Variants in CDH12 observed in about 807,000 individuals in gnomAD.
The protein encoded by CDH12 is cadherin-12.
In CDH12, 41 loss-of-function variants were observed where a neutral mutation model predicts 74.1. That is an observed-to-expected ratio of 0.55 (90% CI 0.43 to 0.72). The LOEUF is 0.72. Ranked by LOEUF, CDH12 falls within the 30% of genes least tolerant of loss-of-function variation. CDH12 has a pLI of 0.00. For missense variants in CDH12, 945 were observed against 977.2 expected, an observed-to-expected ratio of 0.97 and a Z score of 0.44; for synonymous variants, 399 against 355.0, an observed-to-expected ratio of 1.12 and a Z score of -1.39.
At chr5:22,155,065 G>A (rs4484392) in intron 4 of CDH12, among the ~76,000 whole-genome samples, 47,413 of 151,830 alleles carry the variant, frequency 0.31, 7,692 homozygotes, top group South Asian at 0.38. Flanking sequence ...TATGCCACAG[G>A]CCCCTTCCGT....
At chr5:22,418,240 CTTTG>C (rs151041305) in intron 2 of CDH12, among the ~76,000 whole-genome samples, 6,572 of 151,484 alleles carry the variant, frequency 0.043, 323 homozygotes, top group East Asian at 0.12. Context: ...CGATTTGGCT[CTTTG>C]TTTGTCTATT....
At chr5:22,302,450 A>G (rs1453859724) in intron 3 of CDH12, among the ~76,000 whole-genome samples, 2 of 152,164 alleles carry the variant, frequency 1.3e-5, no homozygotes, top group African/African-American at 2.4e-5. Flanking sequence ...GATTGAGTAG[A>G]TATTTTTCCA....
intron 4 of CDH12, among the ~76,000 whole-genome samples, chr5:22,148,383 A>C (rs921404004): frequency 1.2e-4 from 18 of 151,806 alleles, no homozygotes; most frequent in Non-Finnish European, 1.5e-5. Flanking sequence ...CCTTCACTAA[A>C]GTTATGGATT....
At position 22,764,502 on chromosome 5, in the gene CDH12, T is replaced by A. The variant is rs72748738; in HGVS notation, c.-523+88556A>T. Among the ~76,000 whole-genome samples, 1,062 of 152,096 alleles carry A rather than the reference T, an allele frequency of 7.0e-3. 7 individuals are homozygous for A. Among genetic ancestry groups the A allele is most frequent in the Middle Eastern group, 0.014 (4 of 290 alleles). On this transcript the variant is annotated intron_variant, in intron 1 of 14. Coordinates refer to ENST00000382254, the MANE Select transcript of CDH12 (RefSeq NM_004061.5). ...TTCTTCCCTACCATAGAATCATAAA[T>A]ATGCACAATGAAATTAGAGGGCAAA...
In CDH12 at chr5:22,273,462, T is replaced by C. The variant is rs570389279; in HGVS notation, c.-332-60819A>G. Among the ~76,000 whole-genome samples, 13 of 152,306 alleles carry C rather than the reference T, an allele frequency of 8.5e-5. No individual in the cohort carries two copies. The South Asian group carries it at 2.5e-3, about 29-fold the overall frequency. ...CCCTGTAATAACAGTTACACACTTATAATTCTGGAATTCTATGTATATAAT... is the reference window on the plus strand; with the variant it reads ...CCCTGTAATAACAGTTACACACTTACAATTCTGGAATTCTATGTATATAAT... On this transcript the variant is annotated intron_variant, in intron 3 of 14. Coordinates refer to ENST00000382254, the MANE Select transcript of CDH12 (RefSeq NM_004061.5).
intron 2 of CDH12, among the ~76,000 whole-genome samples, chr5:22,445,771 G>C (rs1313424220): frequency 6.6e-6 from 1 of 152,104 alleles, no homozygotes; most frequent in Non-Finnish European, 1.5e-5. Flanking sequence ...GCATACTGCT[G>C]TTTGAAGCTT....
chr5:21,767,787 G>T (rs13355151), intron 11 of CDH12, among the ~76,000 whole-genome samples: 4,809 of 151,454 alleles, frequency 0.032, 216 homozygotes, highest in African/African-American at 0.11. Flanking sequence ...CATTAAGAAC[G>T]TCACCTAATA....
chr5:22,366,096 T>C (rs1367165259), intron 3 of CDH12, among the ~76,000 whole-genome samples: 1 of 151,982 alleles, frequency 6.6e-6, no homozygotes, highest in Non-Finnish European at 1.5e-5. Context: ...GTAGCTGGTA[T>C]TACAGGCGCC....
At chr5:22,075,475 T>C (rs1280820645) in intron 5 of CDH12, among the ~76,000 whole-genome samples, 2 of 151,974 alleles carry the variant, frequency 1.3e-5, no homozygotes, top group East Asian at 3.9e-4. Flanking sequence ...AAAAAAACTT[T>C]ATGATGACCC....
chr5:22,405,367 A>G lies in CDH12; in HGVS notation c.-427-16T>C. The G allele has an allele frequency of 1.3e-6, 1 of 788,726 alleles. No homozygotes were observed. Among genetic ancestry groups the G allele is most frequent in the Non-Finnish European group, 1.5e-6 (1 of 650,474 alleles). 48.9% of individuals were successfully genotyped at this position (788,726 alleles called of 1,614,324 possible). A position where few individuals can be genotyped will look rare whatever the true frequency, so the allele number is the denominator to read the frequency against. The stretch of plus-strand genomic sequence containing the variant: ...GACATCAAAGCTGAAAAATATGTAA[A>G]GAAAATGCTTTAAGAATATGCAAGA... On this transcript the variant is annotated splice_polypyrimidine_tract_variant and intron_variant, in intron 2 of 14. Coordinates refer to ENST00000382254, the MANE Select transcript of CDH12 (RefSeq NM_004061.5).
At chr5:22,014,170 TG>T (rs1430481651) in intron 5 of CDH12, among the ~76,000 whole-genome samples, 2 of 152,316 alleles carry the variant, frequency 1.3e-5, no homozygotes, top group African/African-American at 4.8e-5. Context: ...GATGTTGCAG[TG>T]CACTGAGATC....
intron 1 of CDH12, among the ~76,000 whole-genome samples, chr5:22,577,284 T>G (rs1226071718): frequency 6.6e-6 from 1 of 152,202 alleles, no homozygotes; most frequent in Non-Finnish European, 1.5e-5. Context: ...TTCACTAAGT[T>G]AGCTACCACT....
intron 1 of CDH12, among the ~76,000 whole-genome samples, chr5:22,840,894 C>T (rs1737054092): frequency 6.6e-6 from 1 of 152,102 alleles, no homozygotes; most frequent in Non-Finnish European, 1.5e-5. Context: ...GAGGGAACAG[C>T]TAGCAAAGGT....
chr5:22,046,099 G>T (rs1739932716), intron 5 of CDH12, among the ~76,000 whole-genome samples: 1 of 152,138 alleles, frequency 6.6e-6, no homozygotes, highest in Admixed American at 6.5e-5. Context: ...TACAAAATTA[G>T]AAGCAATGTT....
At chr5:22,181,187 A>G (rs1749626448) in intron 4 of CDH12, among the ~76,000 whole-genome samples, 1 of 152,054 alleles carries the variant, frequency 6.6e-6, no homozygotes, top group Non-Finnish European at 1.5e-5. Flanking sequence ...TTCCCTTCAA[A>G]TTCCTACTAC....
chr5:22,430,665 A>T (rs1744132780), intron 2 of CDH12, among the ~76,000 whole-genome samples: 1 of 152,058 alleles, frequency 6.6e-6, no homozygotes, highest in Admixed American at 6.6e-5. Context: ...ACTGCAACAA[A>T]TTGTTACTAG....
intron 2 of CDH12, among the ~76,000 whole-genome samples, chr5:22,428,653 C>A (rs1744042693): frequency 1.3e-5 from 2 of 152,106 alleles, no homozygotes; most frequent in African/African-American, 4.8e-5. Context: ...ATGTGCTTAG[C>A]CCTGGGTCCA....
chr5:21,848,304 G>A (rs1344881305), intron 7 of CDH12, among the ~76,000 whole-genome samples: 1 of 151,984 alleles, frequency 6.6e-6, no homozygotes, highest in East Asian at 1.9e-4. Context: ...AGATTTGGAG[G>A]AAACATTAAA....
At chr5:22,733,971 G>A (rs1279997386) in intron 1 of CDH12, among the ~76,000 whole-genome samples, 1 of 151,866 alleles carries the variant, frequency 6.6e-6, no homozygotes, top group Non-Finnish European at 1.5e-5. Flanking sequence ...TATCCCCCTA[G>A]GTTTCCCATC....
Sources: gnomAD v4.1 joint callset for allele counts (sites outside exome capture counted in the v4.1 genomes callset) on GRCh38, gnomAD v4.1.1 for gene constraint, MANE v1.5 for transcripts, NCBI Gene and HGNC (gene_info 2026-07-23, HGNC 2026-07-21) for gene names.